FOXL3: variants seen among roughly 807,000 people sequenced by gnomAD.
FOXL3 encodes forkhead box L3, also known as forkhead box protein L3.
Under a neutral mutation model 10.9 loss-of-function variants are expected in FOXL3, and 16 were observed. The ratio of observed to expected loss-of-function variants is 1.46; its 90% CI spans 0.99 to 2.22. The LOEUF (loss-of-function observed/expected upper bound fraction) is 2.22. FOXL3 is among the 30% of genes most tolerant of loss of function. The pLI, the probability that FOXL3 is intolerant of heterozygous loss-of-function variation, is 0.00. For missense variants in FOXL3, 400 were observed against 337.9 expected (o/e 1.18, Z -1.44); for synonymous variants, 170 against 152.0 (o/e 1.12, Z -0.87).
In FOXL3 at chr7:290,693, G is replaced by C. The variant is rs1583366111; in HGVS notation, c.148G>C (p.Ala50Pro). ...CGCCATGGCCATTCAGCAGAGCCCC[G>C]CGGGGAGGGTGACCCTGTCCGGCAT... ...LIAMAIQQSP[A>P]GRVTLSGIYD... The change falls in exon 2 of 3, where the codon GCG becomes CCG. Residue 50 changes from alanine (A) to proline (P), a missense_variant. By Grantham distance (27) the Ala-to-Pro change is conservative. Transcript: ENST00000506382. The C allele has an allele frequency of 6.9e-7, 1 of 1,452,946 alleles. No homozygotes were observed. Among genetic ancestry groups the C allele is most frequent in the Non-Finnish European group, 9.0e-7 (1 of 1,108,502 alleles). 90.0% of individuals were successfully genotyped at this position (1,452,946 alleles called of 1,614,324 possible).
rs1192610718 is a variant in FOXL3, at chr7:291,331, C to A, written c.545C>A (p.Ala182Asp). The change falls in exon 3 of 3, where the codon GCT (alanine) becomes GAT (aspartate). Residue 182 changes from alanine (A) to aspartate (D), a missense_variant. By Grantham distance (126) the Ala-to-Asp change is moderately radical. Transcript: ENST00000506382. Reference protein sequence around the residue: ...APGREPPASPAPPGKEHPRDL... With the variant: ...APGREPPASPDPPGKEHPRDL... ...GGCCGTGAGCCCCCCGCCAGCCCCG[C>A]TCCCCCGGGGAAGGAGCACCCCCGG... is the stretch of plus-strand genomic sequence containing the variant. The A allele has an allele frequency of 4.7e-6, 6 of 1,273,246 alleles. No individual in the cohort carries two copies. Among genetic ancestry groups the A allele is most frequent in the Admixed American group, 7.8e-5 (2 of 25,692 alleles). 78.9% of individuals were successfully genotyped at this position (1,273,246 alleles called of 1,614,324 possible). A position where few individuals can be genotyped will look rare whatever the true frequency, so the allele number is the denominator to read the frequency against.
chr7:291,167 G>A lies in FOXL3; in HGVS notation c.381G>A (p.Arg127=). 1.6e-6 allele frequency: 2 copies of A among 1,280,244 alleles called. No homozygotes were observed. Among genetic ancestry groups the A allele is most frequent in the South Asian group, 2.2e-5 (1 of 44,872 alleles). The allele number at this position is 1,280,244 out of a possible 1,614,324, so 79.3% of individuals were successfully genotyped here. Residue 127 remains arginine, a synonymous_variant, in exon 3 of 3, where the codon CGG becomes CGA. Coordinates refer to ENST00000506382, the MANE Select transcript of FOXL3 (RefSeq NM_001374838.1). The part of the protein sequence containing the change: ...LDLFENGNYR[R]RRRRRGPKRE... Reference sequence around the variant, plus strand: ...TCTTCGAGAACGGCAACTACCGGCGGCGGCGGCGGCGGCGCGGCCCCAAGC... The same window carrying A: ...TCTTCGAGAACGGCAACTACCGGCGACGGCGGCGGCGGCGCGGCCCCAAGC...
intron 1 of FOXL3, among the ~76,000 whole-genome samples, 169 bp from the exon 2 acceptor site, chr7:290,484 G>T (rs964682320): frequency 6.6e-6 from 1 of 151,316 alleles, no homozygotes; most frequent in African/African-American, 2.4e-5. Context: ...TCCGCAGGTC[G>T]GGAAAGAGCT....
rs1200084455 is a variant in FOXL3, at chr7:291,269, G to A, written c.483G>A (p.Gly161=). The part of the protein sequence containing the change: ...SGPSEPPAAQ[G]RLAPDSAGEG... Reference sequence around the variant, plus strand: ...CGTCCGAGCCGCCCGCCGCTCAGGGGCGCCTGGCCCCGGACAGCGCTGGCG... The same window carrying A: ...CGTCCGAGCCGCCCGCCGCTCAGGGACGCCTGGCCCCGGACAGCGCTGGCG... The change falls in exon 3 of 3, where the codon GGG becomes GGA. Residue 161 remains glycine (G), a synonymous_variant. Transcript: ENST00000506382. The A allele has an allele frequency of 3.3e-6, 4 of 1,201,284 alleles. No homozygotes were observed. In the East Asian group the frequency reaches 1.0e-4, roughly 31 times the overall value. The allele number at this position is 1,201,284 out of a possible 1,614,324, so 74.4% of individuals were successfully genotyped here.
intron 1 of FOXL3, 22 bp downstream of exon 1, chr7:290,298 G>C: frequency 6.6e-7 from 1 of 1,515,556 alleles, no homozygotes; most frequent in South Asian, 1.2e-5. Flanking sequence ...GGCGGTGCTG[G>C]GGCTTTGGGG....
In FOXL3 at chr7:291,351, C is replaced by A. The variant is rs1778645185; in HGVS notation, c.565C>A (p.Pro189Thr). Residue 189 changes from proline (P) to threonine (T), a missense_variant, in exon 3 of 3, where the codon CCC becomes ACC. By Grantham distance (38) the Pro-to-Thr change is conservative. Coordinates refer to ENST00000506382, the MANE Select transcript of FOXL3 (RefSeq NM_001374838.1). The part of the protein sequence containing the change: ...ASPAPPGKEH[P>T]RDLKFSIDYI... The stretch of plus-strand genomic sequence containing the variant: ...CCCCGCTCCCCCGGGGAAGGAGCAC[C>A]CCCGGGACCTCAAGTTCAGCATCGA... The A allele has an allele frequency of 2.3e-6, 3 of 1,309,274 alleles. No individual in the cohort carries two copies. In the East Asian group the frequency reaches 9.2e-5, roughly 40 times the overall value. The allele number at this position is 1,309,274 out of a possible 1,614,324, so 81.1% of individuals were successfully genotyped here.
chr7:290,275 A>G lies in FOXL3; in HGVS notation c.106A>G (p.Ser36Gly). Residue 36 changes from serine (S) to glycine (G), a missense_variant and splice_region_variant, in exon 1 of 3, where the codon AGC (serine) becomes GGC (glycine). Physicochemically the swap from Ser to Gly is moderately conservative, Grantham distance 56. Coordinates refer to ENST00000506382, the MANE Select transcript of FOXL3 (RefSeq NM_001374838.1). Reference sequence around the variant, plus strand: ...CAAGAGGCTCACGCGGCCCGCGTACAGGTGACTGCGGGGGCGGTGCTGGGG... The same window carrying G: ...CAAGAGGCTCACGCGGCCCGCGTACGGGTGACTGCGGGGGCGGTGCTGGGG... ...EDKRLTRPAY[S>G]YIALIAMAIQ... 1 of 1,535,300 alleles carries G rather than the reference A, an allele frequency of 6.5e-7. No homozygotes were observed. Among genetic ancestry groups the G allele is most frequent in the Non-Finnish European group, 8.7e-7 (1 of 1,146,262 alleles).
In FOXL3 at chr7:290,786, C is replaced by T; in HGVS notation, c.241C>T (p.Arg81Cys). 1 of 1,518,278 alleles carries T rather than the reference C, an allele frequency of 6.6e-7. No homozygotes were observed. Among genetic ancestry groups the T allele is most frequent in the Non-Finnish European group, 8.8e-7 (1 of 1,137,910 alleles). The allele number at this position is 1,518,278 out of a possible 1,614,324, so 94.1% of individuals were successfully genotyped here. Residue 81 changes from arginine to cysteine, a missense_variant, in exon 2 of 3, where the codon CGC (arginine) becomes TGC (cysteine). Arg to Cys is a radical substitution (Grantham distance 180). Coordinates refer to ENST00000506382, the MANE Select transcript of FOXL3 (RefSeq NM_001374838.1). ...CCAGCGCGCCTGGCAGAACTCCATC[C>T]GCCACAACCTGTCCCTCAACAGCTG... ...ANQRAWQNSI[R>C]HNLSLNSCFV...
At position 290,669 on chromosome 7, in the gene FOXL3, G is replaced by T. The variant is rs1316839654; in HGVS notation, c.124G>T (p.Ala42Ser). 1 of 1,427,200 alleles carries T rather than the reference G, an allele frequency of 7.0e-7. No individual in the cohort carries two copies. The highest frequency in any genetic ancestry group is 9.1e-7 in the Non-Finnish European group (1 of 1,095,274). The allele number at this position is 1,427,200 out of a possible 1,614,324, so 88.4% of individuals were successfully genotyped here. The change falls in exon 2 of 3, where the codon GCC becomes TCC. Residue 42 changes from alanine (A) to serine (S), a missense_variant. Physicochemically the swap from Ala to Ser is moderately conservative, Grantham distance 99. Transcript: ENST00000506382. ...RPAYSYIALI[A>S]MAIQQSPAGR... ...GCTCCGCAGCTACATCGCCTTGATC[G>T]CCATGGCCATTCAGCAGAGCCCCGC...
In FOXL3 at chr7:290,729, A is replaced by C. The variant is rs775895299; in HGVS notation, c.184A>C (p.Ile62Leu). 1.9e-5 allele frequency: 28 copies of C among 1,486,258 alleles called. No homozygotes were observed. Among genetic ancestry groups the C allele is most frequent in the Non-Finnish European group, 2.2e-5 (25 of 1,124,622 alleles). The allele number at this position is 1,486,258 out of a possible 1,614,324, so 92.1% of individuals were successfully genotyped here. ...RVTLSGIYDFIMRKFPYYRAN... is the reference protein window; with the variant it reads ...RVTLSGIYDFLMRKFPYYRAN... Reference sequence around the variant, plus strand: ...GACCCTGTCCGGCATCTACGACTTCATCATGCGCAAATTCCCCTATTACCG... The same window carrying C: ...GACCCTGTCCGGCATCTACGACTTCCTCATGCGCAAATTCCCCTATTACCG... The change falls in exon 2 of 3, where the codon ATC becomes CTC. Residue 62 changes from isoleucine to leucine, a missense_variant. Transcript: ENST00000506382.
rs1308376714 is a variant in FOXL3 at position 290,730 on chromosome 7, T to C, written c.185T>C (p.Ile62Thr). The C allele has an allele frequency of 1.3e-6, 2 of 1,484,938 alleles. No homozygotes were observed. The highest frequency in any genetic ancestry group is 1.4e-5 in the African/African-American group (1 of 69,916). 92.0% of individuals were successfully genotyped at this position (1,484,938 alleles called of 1,614,324 possible). A position where few individuals can be genotyped will look rare whatever the true frequency, so the allele number is the denominator to read the frequency against. Residue 62 changes from isoleucine to threonine, a missense_variant, in exon 2 of 3, where the codon ATC becomes ACC. Ile to Thr is a moderately conservative substitution (Grantham distance 89, BLOSUM62 -1). Transcript: ENST00000506382. ...RVTLSGIYDFIMRKFPYYRAN... is the reference protein window; with the variant it reads ...RVTLSGIYDFTMRKFPYYRAN... ...ACCCTGTCCGGCATCTACGACTTCA[T>C]CATGCGCAAATTCCCCTATTACCGC... is the stretch of plus-strand genomic sequence containing the variant.
At position 291,337 on chromosome 7, in the gene FOXL3, C is replaced by CG; in HGVS notation, c.555dup (p.Lys186GlufsTer?). ...GAGCCCCCCGCCAGCCCCGCTCCCC[C>CG]GGGGAAGGAGCACCCCCGGGACCTC... On this transcript the variant is annotated frameshift_variant, in exon 3 of 3. Transcript: ENST00000506382. LOFTEE classifies it low-confidence loss of function (END_TRUNC). 1 of 1,281,766 alleles carries CG rather than the reference C, an allele frequency of 7.8e-7. No individual in the cohort carries two copies. The highest frequency in any genetic ancestry group is 9.9e-7 in the Non-Finnish European group (1 of 1,014,242). The allele number at this position is 1,281,766 out of a possible 1,614,324, so 79.4% of individuals were successfully genotyped here.
chr7:290,556 C>T, intron 1 of FOXL3, 97 bp from the exon 2 acceptor site: 2 of 1,228,624 alleles, frequency 1.6e-6, no homozygotes, highest in Non-Finnish European at 2.2e-6. Context: ...AACACCGCCT[C>T]GCTCCTCCGC....
intron 2 of FOXL3, 47 bp from the exon 3 acceptor site, chr7:291,016 G>A: frequency 3.8e-6 from 5 of 1,332,312 alleles, no homozygotes; most frequent in South Asian, 1.9e-5. Context: ...GCGGGCGGGC[G>A]CACCGTGCAG....
chr7:291,189 A>G lies in FOXL3; in HGVS notation c.403A>G (p.Lys135Glu). ...GCGGCGGCGGCGGCGGCGCGGCCCCAAGCGCGAGGGGCCGAGGGGTCCGCG... is the reference window on the plus strand; with the variant it reads ...GCGGCGGCGGCGGCGGCGCGGCCCCGAGCGCGAGGGGCCGAGGGGTCCGCG... ...YRRRRRRRGP[K>E]REGPRGPRAG... is the part of the protein sequence containing the mutation. The change falls in exon 3 of 3, where the codon AAG (lysine) becomes GAG (glutamate). Residue 135 changes from lysine to glutamate, a missense_variant. Physicochemically the swap from Lys to Glu is moderately conservative, Grantham distance 56. Coordinates refer to ENST00000506382, the MANE Select transcript of FOXL3 (RefSeq NM_001374838.1). The G allele has an allele frequency of 8.0e-7, 1 of 1,243,226 alleles. No individual in the cohort carries two copies. Among genetic ancestry groups the G allele is most frequent in the African/African-American group, 1.6e-5 (1 of 62,820 alleles). 77.0% of individuals were successfully genotyped at this position (1,243,226 alleles called of 1,614,324 possible).
Position 290,285 on chromosome 7 carries a change from G to A in FOXL3, c.107+9G>A. ...ACGCGGCCCGCGTACAGGTGACTGC[G>A]GGGGCGGTGCTGGGGCTTTGGGGGA... On this transcript the variant is annotated intron_variant, in intron 1 of 2. Transcript: ENST00000506382. 2 of 1,533,550 alleles carry A rather than the reference G, an allele frequency of 1.3e-6. No individual in the cohort carries two copies. The highest frequency in any genetic ancestry group is 2.4e-5 in the East Asian group (1 of 40,888). The allele number at this position is 1,533,550 out of a possible 1,614,324, so 95.0% of individuals were successfully genotyped here.
At chr7:290,985 A>G in intron 2 of FOXL3, 78 bp from the exon 3 acceptor site, 1 of 1,288,736 alleles carries the variant, frequency 7.8e-7, no homozygotes, top group Non-Finnish European at 9.8e-7. Flanking sequence ...GCCCCGGTCC[A>G]GGGCGCCCCG....
Position 291,067 on chromosome 7 carries a change from C to CGG in FOXL3, c.282_283insGG (p.Arg95GlyfsTer?), listed in dbSNP as rs1778635249. ...CCCCTCCCTCCGCGCGCGCAGGTGC[C>CGG]GCGGTCCGAGGGCCACGAGAAGGGC... On this transcript the variant is annotated frameshift_variant, in exon 3 of 3. Coordinates refer to ENST00000506382, the MANE Select transcript of FOXL3 (RefSeq NM_001374838.1). LOFTEE classifies it low-confidence loss of function (END_TRUNC). 7.1e-7 allele frequency: 1 copy of CGG among 1,404,584 alleles called. No individual in the cohort carries two copies. Among genetic ancestry groups the CGG allele is most frequent in the South Asian group, 1.4e-5 (1 of 69,628 alleles). The allele number at this position is 1,404,584 out of a possible 1,614,324, so 87.0% of individuals were successfully genotyped here.
chr7:291,139 A>T lies in FOXL3; in HGVS notation c.353A>T (p.Asp118Val). Residue 118 changes from aspartate (D) to valine (V), a missense_variant, in exon 3 of 3, where the codon GAC becomes GTC. Coordinates refer to ENST00000506382, the MANE Select transcript of FOXL3 (RefSeq NM_001374838.1). ...GCGGGCGGCTGCGAGTCGCTGCTGG[A>T]CCTCTTCGAGAACGGCAACTACCGG... ...TFAGGCESLLDLFENGNYRRR... is the reference protein window; with the variant it reads ...TFAGGCESLLVLFENGNYRRR... 1 of 1,354,398 alleles carries T rather than the reference A, an allele frequency of 7.4e-7. No homozygotes were observed. The highest frequency in any genetic ancestry group is 1.5e-5 in the African/African-American group (1 of 65,324). The allele number at this position is 1,354,398 out of a possible 1,614,324, so 83.9% of individuals were successfully genotyped here. A position where few individuals can be genotyped will look rare whatever the true frequency, so the allele number is the denominator to read the frequency against.
Sources: gnomAD v4.1 joint callset for allele counts (sites outside exome capture counted in the v4.1 genomes callset) on GRCh38, gnomAD v4.1.1 for gene constraint, MANE v1.5 for transcripts, NCBI Gene and HGNC (gene_info 2026-07-23, HGNC 2026-07-21) for gene names.